Variants in ROBO2 observed in about 807,000 individuals in gnomAD.
ROBO2 encodes the protein roundabout homolog 2.
A neutral mutation model predicts 160.8 loss-of-function variants in ROBO2; 53 were observed. The ratio of observed to expected loss-of-function variants is 0.33; its 90% CI spans 0.26 to 0.41. The LOEUF is 0.41. ROBO2 is among the 10% of genes least tolerant of loss of function. The pLI, the probability that ROBO2 is intolerant of heterozygous loss-of-function variation, is 1.00. For missense variants in ROBO2, 1,577 were observed against 1,722.4 expected, an observed-to-expected ratio of 0.92 and a Z score of 1.49; for synonymous variants, 664 against 611.7, an observed-to-expected ratio of 1.09 and a Z score of -1.26.
intron 2 of ROBO2, among the ~76,000 whole-genome samples, chr3:77,353,265 G>A (rs1254407304): frequency 6.6e-6 from 1 of 152,160 alleles, no homozygotes. Context: ...AACATTTGGG[G>A]TGCTGTCAAT....
intron 2 of ROBO2, among the ~76,000 whole-genome samples, chr3:77,351,406 G>A (rs961204313): frequency 8.5e-5 from 13 of 152,164 alleles, no homozygotes; most frequent in African/African-American, 3.1e-4. Flanking sequence ...ACAATGAGTG[G>A]CATGACTTTT....
intron 1 of ROBO2, among the ~76,000 whole-genome samples, chr3:75,927,161 C>G (rs748973658): frequency 5.9e-5 from 9 of 152,112 alleles, no homozygotes; most frequent in Non-Finnish European, 1.3e-4. Context: ...ACAGCAATAA[C>G]TTTATGGTGA....
chr3:77,037,642 A>G (rs1006158241), upstream of ROBO2, among the ~76,000 whole-genome samples: 1 of 152,094 alleles, frequency 6.6e-6, no homozygotes, highest in African/African-American at 2.4e-5. Context: ...CGCCCAATCT[A>G]TCCCTTCTGT....
chr3:77,344,550 A>C (rs2067422104), intron 2 of ROBO2, among the ~76,000 whole-genome samples: 2 of 152,202 alleles, frequency 1.3e-5, no homozygotes, highest in African/African-American at 2.4e-5. Flanking sequence ...TGGGCCAGAC[A>C]GTGGGCTCTT....
At chr3:76,105,401 G>C (rs1282801858) in intron 2 of ROBO2, among the ~76,000 whole-genome samples, 2 of 152,126 alleles carry the variant, frequency 1.3e-5, no homozygotes, top group Non-Finnish European at 2.9e-5. Context: ...ATGTTGAACT[G>C]TAGTAAGACT....
chr3:76,271,395 A>C (rs1319007746), intron 2 of ROBO2, among the ~76,000 whole-genome samples: 1 of 151,714 alleles, frequency 6.6e-6, no homozygotes, highest in African/African-American at 2.4e-5. Context: ...GAATGAAAAA[A>C]GATGGAGATA....
intron 2 of ROBO2, among the ~76,000 whole-genome samples, chr3:76,352,652 C>G (rs2074947287): frequency 6.6e-6 from 1 of 151,914 alleles, no homozygotes; most frequent in South Asian, 2.1e-4. Flanking sequence ...GGGTGTTACT[C>G]TTGTGTTCAT....
At chr3:76,746,218 T>C (rs2093889144) in intron 2 of ROBO2, among the ~76,000 whole-genome samples, 5 of 152,036 alleles carry the variant, frequency 3.3e-5, no homozygotes. Context: ...CACATTTTCT[T>C]AATCCAGTCT....
intron 2 of ROBO2, among the ~76,000 whole-genome samples, chr3:76,021,198 T>C (rs2066565039): frequency 6.6e-6 from 1 of 151,790 alleles, no homozygotes; most frequent in Admixed American, 6.6e-5. Flanking sequence ...GTCCAAAATA[T>C]TGCCTAGATT....
At chr3:76,429,375 T>C (rs1481931708) in intron 2 of ROBO2, among the ~76,000 whole-genome samples, 1 of 152,198 alleles carries the variant, frequency 6.6e-6, no homozygotes, top group African/African-American at 2.4e-5. Flanking sequence ...AGGGTTGTTA[T>C]GTGGTTGGAG....
chr3:75,948,611 T>C (rs1224215666), intron 2 of ROBO2, among the ~76,000 whole-genome samples: 3 of 152,082 alleles, frequency 2.0e-5, no homozygotes, highest in Admixed American at 1.3e-4. Context: ...AGAGACATGC[T>C]ACTCCATGAC....
intron 2 of ROBO2, among the ~76,000 whole-genome samples, chr3:77,395,730 A>G (rs2075215855): frequency 6.6e-6 from 1 of 152,134 alleles, no homozygotes; most frequent in Non-Finnish European, 1.5e-5. Context: ...ACACTTTACT[A>G]AATTATTTAT....
intron 2 of ROBO2, among the ~76,000 whole-genome samples, chr3:76,704,918 A>G: frequency 6.6e-6 from 1 of 152,128 alleles, no homozygotes; most frequent in East Asian, 1.9e-4. Flanking sequence ...GCATCTAAAA[A>G]GAGGAATGGT....
rs551324117 is a variant in ROBO2 at position 76,391,363 on chromosome 3, G to A, written c.109+453761G>A. ...AGTTTAATAACATCTGCAACGGACG[G>A]AGCCAGTCTGCATTCCACATATATG... On this transcript the variant is annotated intron_variant, in intron 2 of 26. Coordinates refer to the ROBO2 transcript ENST00000487694. Among the ~76,000 whole-genome samples the A allele has an allele frequency of 1.9e-4, 29 of 152,264 alleles. No homozygotes were observed. In the South Asian group the frequency reaches 6.0e-3, roughly 32 times the overall value.
At chr3:76,616,830 T>C (rs1295753508) in intron 2 of ROBO2, among the ~76,000 whole-genome samples, 3 of 152,230 alleles carry the variant, frequency 2.0e-5, no homozygotes, top group Non-Finnish European at 2.9e-5. Flanking sequence ...GGTGCAATCA[T>C]AGTGCACTAC....
intron 9 of ROBO2, among the ~76,000 whole-genome samples, chr3:77,560,660 T>C (rs1389369850): frequency 6.6e-6 from 1 of 152,138 alleles, no homozygotes; most frequent in East Asian, 1.9e-4. Context: ...GCCAGCTAAT[T>C]GGTAACTGAA....
intron 2 of ROBO2, among the ~76,000 whole-genome samples, chr3:77,179,160 AGAGC>A (rs1467854336): frequency 6.6e-6 from 1 of 152,002 alleles, no homozygotes; most frequent in African/African-American, 2.4e-5. Flanking sequence ...TAAAAATTCA[AGAGC>A]TTTAATATTT....
At chr3:76,444,964 T>C (rs1289858989) in intron 2 of ROBO2, among the ~76,000 whole-genome samples, 1 of 152,064 alleles carries the variant, frequency 6.6e-6, no homozygotes, top group East Asian at 1.9e-4. Context: ...AGATAGGCTT[T>C]TTTGTTTTTT....
intron 2 of ROBO2, among the ~76,000 whole-genome samples, chr3:76,141,458 A>G (rs1056286084): frequency 1.3e-5 from 2 of 151,496 alleles, no homozygotes. Flanking sequence ...TGAAAAGTTT[A>G]AAAAGTATTA....
Sources: allele counts gnomAD v4.1 joint callset (sites outside exome capture counted in the v4.1 genomes callset), GRCh38; gene constraint gnomAD v4.1.1; transcripts MANE v1.5; gene names NCBI Gene and HGNC (gene_info 2026-07-23, HGNC 2026-07-21).